The following TRDN variants were observed in gnomAD, a reference collection of about 807,000 sequenced individuals.
The protein encoded by TRDN is triadin.
Under a neutral mutation model 149.7 loss-of-function variants are expected in TRDN, and 161 were observed. The observed-to-expected ratio is 1.08, with a 90% CI of 0.95 to 1.23. The LOEUF is 1.23. TRDN is among the 50% of genes most tolerant of loss of function. TRDN has a pLI of 0.00. For missense variants in TRDN, 896 were observed against 823.5 expected, an observed-to-expected ratio of 1.09 and a Z score of -1.08; for synonymous variants, 294 against 250.5, an observed-to-expected ratio of 1.17 and a Z score of -1.64.
At chr6:123,557,678 C>T (rs1005284287) in intron 2 of TRDN, among the ~76,000 whole-genome samples, 1 of 152,030 alleles carries the variant, frequency 6.6e-6, no homozygotes, top group Admixed American at 6.6e-5. Flanking sequence ...AGGTGTGTGA[C>T]CACGTGGGAA....
chr6:123,262,042 T>A (rs1776790609), intron 33 of TRDN, among the ~76,000 whole-genome samples: 1 of 151,992 alleles, frequency 6.6e-6, no homozygotes, highest in Non-Finnish European at 1.5e-5. Context: ...GCTCAATTTT[T>A]AATCCAGGTT....
intron 20 of TRDN, among the ~76,000 whole-genome samples, chr6:123,356,772 T>C (rs1408162625): frequency 4.0e-5 from 6 of 151,036 alleles, no homozygotes; most frequent in East Asian, 1.9e-4. Flanking sequence ...TAAAATGTTT[T>C]AGTTTATTGG....
chr6:123,327,232 G>A (rs909876023), intron 23 of TRDN, among the ~76,000 whole-genome samples: 2 of 151,896 alleles, frequency 1.3e-5, no homozygotes, highest in African/African-American at 4.8e-5. Flanking sequence ...CTCAGTGTGC[G>A]TTCCTATACC....
chr6:123,548,755 T>C (rs1037429174), intron 2 of TRDN, 143 bp from the exon 3 acceptor site: 2 of 760,360 alleles, frequency 2.6e-6, no homozygotes, highest in African/African-American at 3.6e-5. Flanking sequence ...GGCTACAATT[T>C]TTTGCGCAGA....
At chr6:123,516,888 A>G (rs9375261) in intron 5 of TRDN, among the ~76,000 whole-genome samples, 130,530 of 152,002 alleles carry the variant, frequency 0.86, 56,050 homozygotes, top group East Asian at 0.88. Flanking sequence ...TTTCCTTTTC[A>G]TTCATTCACC....
chr6:123,636,727 G>A lies in TRDN; in HGVS notation c.22+27C>T, dbSNP rs1361111723. ...ATTTGCATATTTTTTTTCCTTACTT[G>A]ATACTATCGGAAAATGGTAGCAATA... On this transcript the variant is annotated intron_variant, in intron 1 of 40. Coordinates refer to ENST00000334268, the MANE Select transcript of TRDN (RefSeq NM_006073.4). 9 of 1,609,890 alleles carry A rather than the reference G, an allele frequency of 5.6e-6. No individual in the cohort carries two copies. The Admixed American group carries it at 1.5e-4, about 27-fold the overall frequency.
chr6:123,539,553 AGAAAGG>A (rs1326413462), intron 4 of TRDN, among the ~76,000 whole-genome samples: 1 of 152,242 alleles, frequency 6.6e-6, no homozygotes, highest in Non-Finnish European at 1.5e-5. Flanking sequence ...GGTTAACAGC[AGAAAGG>A]GAAACAATAC....
chr6:123,227,835 A>G (rs1476655078), intron 38 of TRDN, among the ~76,000 whole-genome samples: 2 of 151,728 alleles, frequency 1.3e-5, no homozygotes, highest in Non-Finnish European at 2.9e-5. Flanking sequence ...GCAACCTCCG[A>G]GGTGAGGACT....
intron 24 of TRDN, among the ~76,000 whole-genome samples, chr6:123,310,814 T>C (rs779508069): frequency 3.3e-5 from 5 of 151,864 alleles, no homozygotes; most frequent in Non-Finnish European, 5.9e-5. Context: ...AGTGACCCAT[T>C]TTGGAAAAAA....
chr6:123,388,111 G>GA lies in TRDN; in HGVS notation c.1135+410dup, dbSNP rs57627210. ...AAATCCGAGAGGCAGAGCAATGGGA[G>GA]AAAAAAAAAAACAGATAAAAAGCTT... is the stretch of plus-strand genomic sequence containing the variant. On this transcript the variant is annotated intron_variant, in intron 14 of 40. Coordinates refer to ENST00000334268, the MANE Select transcript of TRDN (RefSeq NM_006073.4). 3.4e-3 allele frequency among the ~76,000 whole-genome samples: 504 copies of GA among 147,350 alleles called. 3 individuals are homozygous for GA. Among genetic ancestry groups the GA allele is most frequent in the South Asian group, 8.7e-3 (40 of 4,624 alleles).
At chr6:123,390,287 CTT>C (rs2114449686) in intron 13 of TRDN, among the ~76,000 whole-genome samples, 1 of 152,260 alleles carries the variant, frequency 6.6e-6, no homozygotes, top group South Asian at 2.1e-4. Flanking sequence ...GCCTCTGAAA[CTT>C]AAATTCCTTC....
chr6:123,238,812 C>G (rs574941383), intron 38 of TRDN, among the ~76,000 whole-genome samples: 4 of 152,092 alleles, frequency 2.6e-5, no homozygotes, highest in Admixed American at 2.0e-4. Flanking sequence ...ATATTAATAT[C>G]AGACATACTG....
intron 15 of TRDN, among the ~76,000 whole-genome samples, chr6:123,381,841 A>C (rs1209890499): frequency 1.3e-5 from 2 of 151,972 alleles, no homozygotes; most frequent in African/African-American, 4.8e-5. Flanking sequence ...AAAATTTTTC[A>C]ATTTCTTGTT....
intron 12 of TRDN, among the ~76,000 whole-genome samples, chr6:123,410,887 A>G (rs1206028001): frequency 6.6e-6 from 1 of 151,918 alleles, no homozygotes; most frequent in Non-Finnish European, 1.5e-5. Flanking sequence ...AATGACACCT[A>G]TTGATTGCCA....
At chr6:123,417,608 C>G (rs142781735) in intron 12 of TRDN, among the ~76,000 whole-genome samples, 1 of 152,150 alleles carries the variant, frequency 6.6e-6, no homozygotes, top group Non-Finnish European at 1.5e-5. Flanking sequence ...CATTCCCCCA[C>G]GTATCCTTGC....
rs542846916 is a variant in TRDN at position 123,623,183 on chromosome 6, CCTTT to C, written c.22+13567_22+13570del. Among the ~76,000 whole-genome samples the C allele has an allele frequency of 3.0e-3, 456 of 151,554 alleles. 1 individual carries two copies. The highest frequency in any genetic ancestry group is 4.7e-3 in the Non-Finnish European group (316 of 67,820). ...CCTGAGGTTATTGTCTTTTTTTTTC[CCTTT>C]CTATTATAGAATTATAAGTAGCAAA... On this transcript the variant is annotated intron_variant, in intron 1 of 40. Transcript: ENST00000334268.
intron 19 of TRDN, among the ~76,000 whole-genome samples, chr6:123,372,403 C>G (rs868705833): frequency 6.6e-6 from 1 of 151,818 alleles, no homozygotes. Context: ...AACATAACAC[C>G]CAATCTGTGC....
rs534859119 is a variant in TRDN at position 123,491,934 on chromosome 6, C to A, written c.853+5259G>T. On this transcript the variant is annotated intron_variant, in intron 9 of 40. Coordinates refer to ENST00000334268, the MANE Select transcript of TRDN (RefSeq NM_006073.4). ...TGAAATACATTAAACCATTAAATAA[C>A]AGTGACTATAATGCAATTACATTTG... Among the ~76,000 whole-genome samples the A allele has an allele frequency of 9.9e-5, 15 of 152,236 alleles. 1 individual carries two copies. The highest frequency in any genetic ancestry group is 3.6e-4 in the African/African-American group (15 of 41,560).
At position 123,481,088 on chromosome 6, in the gene TRDN, G is replaced by C. The variant is rs2114769445; in HGVS notation, c.853+16105C>G. Among the ~76,000 whole-genome samples the C allele has an allele frequency of 1.3e-5, 2 of 152,130 alleles. 1 individual carries two copies. Among genetic ancestry groups the C allele is most frequent in the South Asian group, 4.1e-4 (2 of 4,822 alleles). On this transcript the variant is annotated intron_variant, in intron 9 of 40. Coordinates refer to ENST00000334268, the MANE Select transcript of TRDN (RefSeq NM_006073.4). ...CACTTAAAAATCTAATCATGGAACT[G>C]GATGATATTTTATCAGGCCTTACAG...
Sources: gnomAD v4.1 joint callset for allele counts (sites outside exome capture counted in the v4.1 genomes callset) on GRCh38, gnomAD v4.1.1 for gene constraint, MANE v1.5 for transcripts, NCBI Gene and HGNC (gene_info 2026-07-23, HGNC 2026-07-21) for gene names.